Variants in CREB3L1 observed in about 807,000 individuals in gnomAD.
CREB3L1 encodes cyclic AMP-responsive element-binding protein 3-like protein 1.
CREB3L1 carries 33 observed loss-of-function variants against 54.5 expected under a neutral mutation model. The ratio of observed to expected loss-of-function variants is 0.61; its 90% CI spans 0.46 to 0.81. The LOEUF (loss-of-function observed/expected upper bound fraction) is 0.81, where lower values mean the gene tolerates loss of function less well. CREB3L1 is among the 30% of genes least tolerant of loss of function. CREB3L1 has a pLI of 0.00. For synonymous variants in CREB3L1, 284 were observed against 286.4 expected, an observed-to-expected ratio of 0.99 and a Z score of 0.08; for missense variants, 656 against 673.3, an observed-to-expected ratio of 0.97 and a Z score of 0.29.
chr11:46,286,932 C>A (rs146057246), intron 1 of CREB3L1, among the ~76,000 whole-genome samples: 9 of 152,324 alleles, frequency 5.9e-5, no homozygotes, highest in African/African-American at 2.2e-4. Flanking sequence ...CTGAATCCAC[C>A]CCACTCTGGG....
intron 3 of CREB3L1, among the ~76,000 whole-genome samples, chr11:46,308,703 TG>T (rs1318650424): frequency 6.6e-6 from 1 of 152,226 alleles, no homozygotes; most frequent in African/African-American, 2.4e-5. Context: ...AATCCCTAGA[TG>T]GGAGCGTGGC....
chr11:46,284,128 G>A (rs1246468811), intron 1 of CREB3L1, among the ~76,000 whole-genome samples: 1 of 152,176 alleles, frequency 6.6e-6, no homozygotes, highest in Non-Finnish European at 1.5e-5. Flanking sequence ...CTATGCTGGT[G>A]CCAGGGTAAC....
intron 10 of CREB3L1, among the ~76,000 whole-genome samples, chr11:46,319,774 G>C (rs1042025569): frequency 8.6e-5 from 13 of 152,012 alleles, no homozygotes; most frequent in Non-Finnish European, 1.9e-4. Flanking sequence ...AGCTACTCGG[G>C]AGGCTGAGGC....
rs545817047 is a variant in CREB3L1, at chr11:46,320,777, C to T, written c.*31C>T. ...GCCAAGACCCAGGACATAGGACGGA[C>T]CCCTGGTACCCAGAAGAGGAGTTCT... On this transcript the variant is annotated 3_prime_UTR_variant, in exon 12 of 12. Coordinates refer to ENST00000621158, the MANE Select transcript of CREB3L1 (RefSeq NM_052854.4). 1.9e-6 allele frequency: 3 copies of T among 1,606,780 alleles called. No individual in the cohort carries two copies. The highest frequency in any genetic ancestry group is 2.2e-5 in the East Asian group (1 of 44,586).
intron 2 of CREB3L1, among the ~76,000 whole-genome samples, chr11:46,304,722 C>T (rs528173471): frequency 3.9e-4 from 60 of 151,958 alleles, no homozygotes; most frequent in Middle Eastern, 3.4e-3. Context: ...CAGGGTCTTA[C>T]TCTGTCACCC....
At position 46,300,043 on chromosome 11, in the gene CREB3L1, T is replaced by A. The variant is rs561931720; in HGVS notation, c.211T>A (p.Leu71Met). 5.0e-6 allele frequency: 8 copies of A among 1,613,902 alleles called. No homozygotes were observed. The Admixed American group carries it at 8.3e-5, about 17-fold the overall frequency. ...DPVLDEKSPLLDMELDSPTPG... is the reference protein window; with the variant it reads ...DPVLDEKSPLMDMELDSPTPG... ...TGTGCTGGATGAGAAGAGCCCTCTA[T>A]TGGACATGGAACTGGACTCCCCTAC... The change falls in exon 2 of 12, where the codon TTG becomes ATG. Residue 71 changes from leucine (L) to methionine (M), a missense_variant. By Grantham distance (15) the Leu-to-Met change is conservative. This residue lies in a region of CREB3L1 where 339 missense variants were observed against 331.5 expected (regional missense o/e 1.02). Transcript: ENST00000621158.
In CREB3L1 at chr11:46,310,270, T is replaced by TGTTC. The variant is rs1378090999; in HGVS notation, c.595+206_595+207insCGTT. Among the ~76,000 whole-genome samples the TGTTC allele has an allele frequency of 2.0e-5, 3 of 151,492 alleles. No individual in the cohort carries two copies. In the South Asian group the frequency reaches 6.3e-4, roughly 32 times the overall value. ...CGTTTTTGTTTTTTGTTTGTTTGTT[T>TGTTC]GTTTGTTTGTTTTTTGAGATGGAGT... is the stretch of plus-strand genomic sequence containing the variant. On this transcript the variant is annotated intron_variant, in intron 4 of 11. Coordinates refer to ENST00000621158, the MANE Select transcript of CREB3L1 (RefSeq NM_052854.4).
intron 2 of CREB3L1, among the ~76,000 whole-genome samples, chr11:46,305,672 ATG>A (rs1402675379): frequency 0.025 from 2,247 of 89,078 alleles, 74 homozygotes; most frequent in African/African-American, 0.093. Context: ...GTGTATATAT[ATG>A]TGTGTGTGTG....
chr11:46,291,047 A>G (rs1939122605), intron 1 of CREB3L1, among the ~76,000 whole-genome samples: 1 of 152,130 alleles, frequency 6.6e-6, no homozygotes, highest in South Asian at 2.1e-4. Flanking sequence ...CAATGGAGGA[A>G]ATGCTTGCCA....
At chr11:46,285,380 T>C (rs959393444) in intron 1 of CREB3L1, among the ~76,000 whole-genome samples, 1 of 152,080 alleles carries the variant, frequency 6.6e-6, no homozygotes, top group Non-Finnish European at 1.5e-5. Flanking sequence ...TGTAACCCTC[T>C]TGAGCAGCCC....
rs1301447433 is a variant in CREB3L1 at position 46,313,015 on chromosome 11, A to G, written c.1031+96A>G. Reference sequence around the variant, plus strand: ...CTGGGAGACAGGGGAGAGGAGAGAGAACTAAGTTTAGGATGACAGGGACCC... The same window carrying G: ...CTGGGAGACAGGGGAGAGGAGAGAGGACTAAGTTTAGGATGACAGGGACCC... On this transcript the variant is annotated intron_variant, in intron 8 of 11. Coordinates refer to ENST00000621158, the MANE Select transcript of CREB3L1 (RefSeq NM_052854.4). The G allele has an allele frequency of 8.5e-6, 8 of 937,682 alleles. No homozygotes were observed. In the South Asian group the frequency reaches 1.0e-4, roughly 12 times the overall value. The allele number at this position is 937,682 out of a possible 1,614,324, so 58.1% of individuals were successfully genotyped here.
In CREB3L1 at chr11:46,278,344, A is replaced by T; in HGVS notation, c.102+131A>T. ...GGAGAGGGTTCAGCGCAGGGTCTCC[A>T]GGAGCGACATGTGTTTGGAGCTAAG... is the stretch of plus-strand genomic sequence containing the variant. On this transcript the variant is annotated intron_variant, in intron 1 of 11. Coordinates refer to ENST00000621158, the MANE Select transcript of CREB3L1 (RefSeq NM_052854.4). The surrounding 1 kb of genome is among the most constrained non-coding windows in gnomAD (Gnocchi z 4.2). 1.8e-6 allele frequency: 1 copy of T among 561,864 alleles called. No homozygotes were observed. Among genetic ancestry groups the T allele is most frequent in the Non-Finnish European group, 3.1e-6 (1 of 320,124 alleles). 34.8% of individuals were successfully genotyped at this position (561,864 alleles called of 1,614,324 possible).
At position 46,295,528 on chromosome 11, in the gene CREB3L1, C is replaced by T. The variant is rs1044196312; in HGVS notation, c.103-4407C>T. Among the ~76,000 whole-genome samples the T allele has an allele frequency of 1.3e-5, 2 of 152,194 alleles. No homozygotes were observed. Among genetic ancestry groups the T allele is most frequent in the Non-Finnish European group, 2.9e-5 (2 of 68,026 alleles). ...CTCGGCCCCAGACGCAGAAGGGGTCCCATGCAGGCCCGAGCCAGTGCACCC... is the reference window on the plus strand; with the variant it reads ...CTCGGCCCCAGACGCAGAAGGGGTCTCATGCAGGCCCGAGCCAGTGCACCC... On this transcript the variant is annotated intron_variant, in intron 1 of 11. Coordinates refer to ENST00000621158, the MANE Select transcript of CREB3L1 (RefSeq NM_052854.4). This position sits in a 1 kb window ranked among gnomAD's most constrained non-coding sequence, Gnocchi z 4.6.
In CREB3L1 at chr11:46,312,913, C is replaced by T. The variant is rs774857065; in HGVS notation, c.1025C>T (p.Ala342Val). ...LWKKVETLEN[A>V]NRTLLQQLQK... ...AAGAAGGTGGAGACCCTGGAGAATG[C>T]CAACAGGTGGGTAGTGCCTCCTGCA... Residue 342 changes from alanine (A) to valine (V), a missense_variant, in exon 8 of 12, where the codon GCC becomes GTC. Ala to Val is a moderately conservative substitution (Grantham distance 64). Around this residue, in one of 3 missense-constraint regions of CREB3L1, gnomAD observed 77 missense variants for 122.0 expected, o/e 0.63. Coordinates refer to ENST00000621158, the MANE Select transcript of CREB3L1 (RefSeq NM_052854.4). The T allele has an allele frequency of 1.3e-6, 2 of 1,583,034 alleles. No individual in the cohort carries two copies. The highest frequency in any genetic ancestry group is 1.7e-6 in the Non-Finnish European group (2 of 1,164,870).
chr11:46,320,837 C>G lies in CREB3L1; in HGVS notation c.*91C>G, dbSNP rs1206052984. 3 of 1,343,328 alleles carry G rather than the reference C, an allele frequency of 2.2e-6. No individual in the cohort carries two copies. In the South Asian group the frequency reaches 3.7e-5, roughly 17 times the overall value. The allele number at this position is 1,343,328 out of a possible 1,614,324, so 83.2% of individuals were successfully genotyped here. On this transcript the variant is annotated 3_prime_UTR_variant, in exon 12 of 12. Coordinates refer to ENST00000621158, the MANE Select transcript of CREB3L1 (RefSeq NM_052854.4). ...ACCCGGATCCGCCTCGTGCCCCTGC[C>G]TCCTGGAGCTTCCCATTCCAGGAGA...
intron 2 of CREB3L1, among the ~76,000 whole-genome samples, chr11:46,306,484 A>C (rs1156990485): frequency 2.0e-5 from 3 of 151,512 alleles, no homozygotes; most frequent in Non-Finnish European, 4.4e-5. Flanking sequence ...AGCCTGGGCG[A>C]ATGAGTGAGA....
chr11:46,310,415 C>T (rs1280166049), intron 4 of CREB3L1, among the ~76,000 whole-genome samples: 1 of 151,788 alleles, frequency 6.6e-6, no homozygotes, highest in Non-Finnish European at 1.5e-5. Flanking sequence ...TTACAGGTGC[C>T]CACCACCACG....
chr11:46,311,974 G>A (rs73464015), intron 5 of CREB3L1, among the ~76,000 whole-genome samples: 2,759 of 152,264 alleles, frequency 0.018, 84 homozygotes, highest in African/African-American at 0.062. Context: ...TAGGCCCTGA[G>A]CCCTGGGATG....
intron 1 of CREB3L1, among the ~76,000 whole-genome samples, chr11:46,291,817 C>A (rs1939134737): frequency 6.6e-6 from 1 of 152,178 alleles, no homozygotes; most frequent in Non-Finnish European, 1.5e-5. Context: ...GGGTCCCACA[C>A]CTTCCCTGAA....
Sources: gnomAD v4.1 joint callset for allele counts (sites outside exome capture counted in the v4.1 genomes callset) on GRCh38, gnomAD v4.1.1 for gene constraint, gnomAD v4.1.1 regional missense constraint, Gnocchi (gnomAD v3.1) non-coding constraint, MANE v1.5 for transcripts, NCBI Gene and HGNC (gene_info 2026-07-23, HGNC 2026-07-21) for gene names.